The following TMEM131 variants were observed in gnomAD, a reference collection of about 807,000 sequenced individuals.
TMEM131 encodes the protein transmembrane protein 131.
In TMEM131, 66 loss-of-function variants were observed where a neutral mutation model predicts 211.6. The ratio of observed to expected loss-of-function variants is 0.31; its 90% CI spans 0.26 to 0.38. The LOEUF (loss-of-function observed/expected upper bound fraction) is 0.38, where lower values mean the gene tolerates loss of function less well. Ranked by LOEUF, TMEM131 falls within the 10% of genes least tolerant of loss-of-function variation. TMEM131 has a pLI of 1.00. For missense variants in TMEM131, 2,036 were observed against 2,299.3 expected, an observed-to-expected ratio of 0.89 and a Z score of 2.34; for synonymous variants, 844 against 841.3, an observed-to-expected ratio of 1.00 and a Z score of -0.06.
At chr2:97,771,511 C>T (rs1250064652) in intron 33 of TMEM131, among the ~76,000 whole-genome samples, 3 of 152,176 alleles carry the variant, frequency 2.0e-5, no homozygotes, top group Non-Finnish European at 4.4e-5. Flanking sequence ...TAAATTTACA[C>T]CTAATTTATT....
At position 97,995,649 on chromosome 2, in the gene TMEM131, G is replaced by T; in HGVS notation, c.14C>A (p.Ala5Glu). 4 of 1,215,018 alleles carry T rather than the reference G, an allele frequency of 3.3e-6. No homozygotes were observed. Among genetic ancestry groups the T allele is most frequent in the Non-Finnish European group, 4.1e-6 (4 of 976,826 alleles). The allele number at this position is 1,215,018 out of a possible 1,614,324, so 75.3% of individuals were successfully genotyped here. Reference protein sequence around the residue: MGKRAGGGATGATTA... With the variant: MGKREGGGATGATTA... ...GGTGGCTCCGGTTGCTCCTCCTCCC[G>T]CCCGCTTCCCCATCCCTGCCGGCCG... is the stretch of plus-strand genomic sequence containing the variant. Residue 5 changes from alanine to glutamate, a missense_variant, in exon 1 of 41, where the codon GCG (alanine) becomes GAG (glutamate). By Grantham distance (107) the Ala-to-Glu change is moderately radical (BLOSUM62 -1). This residue lies in a region of TMEM131 where 136 missense variants were observed against 115.4 expected (regional missense o/e 1.18). Coordinates refer to ENST00000186436, the MANE Select transcript of TMEM131 (RefSeq NM_015348.2).
At chr2:97,847,405 G>C (rs1683502614) in intron 5 of TMEM131, among the ~76,000 whole-genome samples, 1 of 152,016 alleles carries the variant, frequency 6.6e-6, no homozygotes, top group Non-Finnish European at 1.5e-5. Context: ...ATGAACAAGT[G>C]GAATTCTAAT....
intron 31 of TMEM131, among the ~76,000 whole-genome samples, chr2:97,778,517 C>T (rs1273362409): frequency 6.6e-6 from 1 of 151,532 alleles, no homozygotes; most frequent in Admixed American, 6.6e-5. Flanking sequence ...TGCCACTGCA[C>T]TCCAGCCTGG....
chr2:97,766,391 G>A (rs1379596396), intron 34 of TMEM131, 87 bp downstream of exon 34: 2 of 1,601,414 alleles, frequency 1.2e-6, no homozygotes, highest in Admixed American at 1.7e-5. Context: ...ACTACTGACT[G>A]CTTACTGATA....
chr2:97,894,316 T>C (rs1027894908), intron 3 of TMEM131, among the ~76,000 whole-genome samples: 1 of 152,228 alleles, frequency 6.6e-6, no homozygotes, highest in Non-Finnish European at 1.5e-5. Flanking sequence ...GGTAGCATGA[T>C]GCCTCTAGCC....
chr2:97,830,929 TGTTTGTGAAAC>T (rs1368856048), intron 11 of TMEM131, among the ~76,000 whole-genome samples: 2 of 152,246 alleles, frequency 1.3e-5, no homozygotes, highest in Non-Finnish European at 2.9e-5. Flanking sequence ...GAAAATTCTA[TGTTTGTGAAAC>T]AAAAGGAGAC....
chr2:97,957,701 T>C (rs1388957218), intron 1 of TMEM131, among the ~76,000 whole-genome samples: 1 of 152,244 alleles, frequency 6.6e-6, no homozygotes, highest in Non-Finnish European at 1.5e-5. Context: ...AAAAGTTTCC[T>C]GTTTTGAAAA....
intron 12 of TMEM131, 26 bp from the exon 13 acceptor site, chr2:97,815,333 T>G: frequency 6.4e-6 from 9 of 1,405,558 alleles, no homozygotes; most frequent in Non-Finnish European, 8.7e-6. Flanking sequence ...AAAAATAATC[T>G]CTGTTACCTT....
chr2:97,821,437 C>T (rs1682115444), intron 11 of TMEM131, among the ~76,000 whole-genome samples: 1 of 152,190 alleles, frequency 6.6e-6, no homozygotes, highest in Non-Finnish European at 1.5e-5. Flanking sequence ...AGAGGCAACC[C>T]GTTTGGGTCC....
chr2:97,765,855 T>TA (rs1679135810), intron 35 of TMEM131, among the ~76,000 whole-genome samples: 1 of 152,060 alleles, frequency 6.6e-6, no homozygotes, highest in African/African-American at 2.4e-5. Context: ...AGTGGTGTGC[T>TA]AGTATACCAG....
chr2:97,800,588 A>G (rs1680981911), intron 25 of TMEM131, among the ~76,000 whole-genome samples: 1 of 120,344 alleles, frequency 8.3e-6, no homozygotes, highest in Non-Finnish European at 1.9e-5. Flanking sequence ...CGGCTCTACT[A>G]AAAATACAAA....
chr2:97,941,111 G>C (rs2104490988), intron 1 of TMEM131, among the ~76,000 whole-genome samples: 2 of 152,276 alleles, frequency 1.3e-5, no homozygotes, highest in South Asian at 4.1e-4. Flanking sequence ...GCATGGTACT[G>C]GTACCAAAAC....
At chr2:97,827,113 A>C in intron 11 of TMEM131, 1 of 494,654 alleles carries the variant, frequency 2.0e-6, no homozygotes. Context: ...CAAACTTACA[A>C]GGTTTTCAAC....
chr2:97,799,153 A>G (rs1311141562), intron 25 of TMEM131, among the ~76,000 whole-genome samples: 3 of 152,174 alleles, frequency 2.0e-5, no homozygotes. Flanking sequence ...TGGCATCTGC[A>G]CTGATGGTCA....
At chr2:97,920,998 TGTG>T (rs1676718244) in intron 2 of TMEM131, among the ~76,000 whole-genome samples, 2 of 151,816 alleles carry the variant, frequency 1.3e-5, no homozygotes, top group Non-Finnish European at 2.9e-5. Flanking sequence ...TGTGTGTGTG[TGTG>T]TGTGTAAAGC....
chr2:97,995,349 C>A (rs1559497929), intron 1 of TMEM131, 127 bp downstream of exon 1: 6 of 958,340 alleles, frequency 6.3e-6, no homozygotes, highest in Non-Finnish European at 8.1e-6. Context: ...CGGCTCGGGA[C>A]GGTACCCGAC....
chr2:97,760,772 C>G, intron 37 of TMEM131, 21 bp downstream of exon 37: 1 of 1,613,778 alleles, frequency 6.2e-7, no homozygotes, highest in Non-Finnish European at 8.5e-7. Flanking sequence ...CGTGGCAGGT[C>G]TCTGAAGCAA....
At position 97,981,220 on chromosome 2, in the gene TMEM131, A is replaced by C. The variant is rs577974300; in HGVS notation, c.187+14256T>G. 2.6e-5 allele frequency among the ~76,000 whole-genome samples: 4 copies of C among 152,164 alleles called. No homozygotes were observed. The South Asian group carries it at 8.3e-4, about 32-fold the overall frequency. On this transcript the variant is annotated intron_variant, in intron 1 of 40. Transcript: ENST00000186436. ...AGGTGCATAATGATCCATTATGTGG[A>C]TGTAACAATTTATTCAACTATATAG...
chr2:97,923,908 G>A (rs992049399), intron 2 of TMEM131, among the ~76,000 whole-genome samples: 10 of 151,994 alleles, frequency 6.6e-5, no homozygotes, highest in African/African-American at 2.2e-4. Flanking sequence ...GTGAAACCCC[G>A]TCTCTACTAA....
Sources: gnomAD v4.1 joint callset for allele counts (sites outside exome capture counted in the v4.1 genomes callset) on GRCh38, gnomAD v4.1.1 for gene constraint, gnomAD v4.1.1 regional missense constraint, MANE v1.5 for transcripts, NCBI Gene and HGNC (gene_info 2026-07-23, HGNC 2026-07-21) for gene names.